Variants in DNHD1 observed in about 807,000 individuals in gnomAD.
The protein encoded by DNHD1 is dynein heavy chain domain-containing protein 1.
A neutral mutation model predicts 458.1 loss-of-function variants in DNHD1; 383 were observed. That is an observed-to-expected ratio of 0.84 (90% CI 0.77 to 0.91). The LOEUF is 0.91. DNHD1 is among the 40% of genes least tolerant of loss of function. The probability of loss-of-function intolerance (pLI) is 0.00; values close to 1 mark genes in which losing one functional copy is unlikely to be tolerated. For synonymous variants in DNHD1, 2,203 were observed against 2,376.9 expected (o/e 0.93, Z 2.13); for missense variants, 5,336 against 5,866.1 (o/e 0.91, Z 2.95).
Position 6,510,542 on chromosome 11 carries a change from G to T in DNHD1, c.1236-731G>T, listed in dbSNP as rs995409939. 4.6e-5 allele frequency among the ~76,000 whole-genome samples: 7 copies of T among 152,320 alleles called. No homozygotes were observed. In the East Asian group the frequency reaches 1.2e-3, roughly 25 times the overall value. On this transcript the variant is annotated intron_variant, in intron 6 of 42. Transcript: ENST00000254579. ...TCATGGTGTAATTAAGAGCATAAGG[G>T]CTTGGGAGACGGGACAAATCTTATT...
chr11:6,539,992 G>T lies in DNHD1; in HGVS notation c.3537G>T (p.Glu1179Asp). 6 of 1,551,600 alleles carry T rather than the reference G, an allele frequency of 3.9e-6. No homozygotes were observed. The highest frequency in any genetic ancestry group is 5.2e-6 in the Non-Finnish European group (6 of 1,146,890). Residue 1179 changes from glutamate (E) to aspartate (D), a missense_variant, in exon 18 of 43, where the codon GAG (glutamate) becomes GAT (aspartate). Glu to Asp is a conservative substitution (Grantham distance 45, BLOSUM62 2). This residue lies in a region of DNHD1 where 3,932 missense variants were observed against 4,365.6 expected (regional missense o/e 0.90). Transcript: ENST00000254579. ...LLNFILHVPYEPPASERSKRQ... is the reference protein window; with the variant it reads ...LLNFILHVPYDPPASERSKRQ... ...ACTTCATCCTGCATGTACCCTACGA[G>T]CCCCCAGCCTCAGAGCGCTCCAAGA...
intron 39 of DNHD1, 105 bp downstream of exon 39, chr11:6,568,971 A>G: frequency 7.5e-7 from 1 of 1,326,478 alleles, no homozygotes; most frequent in Non-Finnish European, 1.0e-6. Flanking sequence ...GAAGCTCCAA[A>G]GAGCAAGGGC....
At chr11:6,521,869 A>G (rs1304614605) in intron 10 of DNHD1, among the ~76,000 whole-genome samples, 1 of 152,020 alleles carries the variant, frequency 6.6e-6, no homozygotes. Flanking sequence ...GGAACATACC[A>G]CCATGCCTGG....
intron 16 of DNHD1, 82 bp from the exon 17 acceptor site, chr11:6,539,137 G>A: frequency 1.0e-6 from 1 of 978,570 alleles, no homozygotes. Context: ...GGGCTGGGCT[G>A]GGCTGGGCTC....
Position 6,509,269 on chromosome 11 carries a change from G to T in DNHD1, c.1232G>T (p.Ser411Ile). Residue 411 changes from serine to isoleucine, a missense_variant, in exon 6 of 43, where the codon AGC (serine) becomes ATC (isoleucine). Physicochemically the swap from Ser to Ile is moderately radical, Grantham distance 142. This residue lies in a region of DNHD1 where 3,932 missense variants were observed against 4,365.6 expected (regional missense o/e 0.90). Coordinates refer to ENST00000254579, the MANE Select transcript of DNHD1 (RefSeq NM_144666.3). ...PHFGAGLLHI[S>I]RLLQELHSVS... ...TTTGGAGCTGGGCTACTCCATATTA[G>T]CAGGTGAGGTATTAAAAACACAACT... 2 of 1,610,886 alleles carry T rather than the reference G, an allele frequency of 1.2e-6. No individual in the cohort carries two copies. The highest frequency in any genetic ancestry group is 1.7e-6 in the Non-Finnish European group (2 of 1,178,934).
Position 6,564,602 on chromosome 11 carries a change from G to C in DNHD1, c.10554G>C (p.Ser3518=). 1 of 1,551,710 alleles carries C rather than the reference G, an allele frequency of 6.4e-7. No individual in the cohort carries two copies. The highest frequency in any genetic ancestry group is 1.2e-5 in the South Asian group (1 of 84,062). Reference sequence around the variant, plus strand: ...TTCTGTCCTTGCTGAGCTCTGAATCGGAGCAGTACCAGTGGGATGGAAACC... The same window carrying C: ...TTCTGTCCTTGCTGAGCTCTGAATCCGAGCAGTACCAGTGGGATGGAAACC... ...FSILSLLSSE[S]EQYQWDGNLK... is the part of the protein sequence containing the mutation. The change falls in exon 32 of 43, where the codon TCG becomes TCC. Residue 3518 remains serine, a synonymous_variant. Coordinates refer to ENST00000254579, the MANE Select transcript of DNHD1 (RefSeq NM_144666.3).
Position 6,563,762 on chromosome 11 carries a change from G to A in DNHD1, c.9922G>A (p.Ala3308Thr). 1 of 1,551,376 alleles carries A rather than the reference G, an allele frequency of 6.4e-7. No homozygotes were observed. The highest frequency in any genetic ancestry group is 8.7e-7 in the Non-Finnish European group (1 of 1,146,888). The change falls in exon 31 of 43, where the codon GCT (alanine) becomes ACT (threonine). Residue 3308 changes from alanine to threonine, a missense_variant. Physicochemically the swap from Ala to Thr is moderately conservative, Grantham distance 58. Coordinates refer to ENST00000254579, the MANE Select transcript of DNHD1 (RefSeq NM_144666.3). ...ELIKLHLILKAPGMDDAALRA... is the reference protein window; with the variant it reads ...ELIKLHLILKTPGMDDAALRA... ...GATAAAGTTACATCTAATTCTGAAG[G>A]CTCCAGGTATGGACGATGCAGCCCT...
intron 7 of DNHD1, among the ~76,000 whole-genome samples, chr11:6,519,352 T>C (rs943305712): frequency 1.3e-5 from 2 of 152,190 alleles, no homozygotes; most frequent in African/African-American, 4.8e-5. Context: ...GGGTTTTCAG[T>C]AGACAGGCCT....
chr11:6,540,130 C>T (rs1853067871), intron 18 of DNHD1, 47 bp downstream of exon 18: 1 of 1,475,792 alleles, frequency 6.8e-7, no homozygotes, highest in Non-Finnish European at 9.3e-7. Flanking sequence ...TGCTGGGGGC[C>T]ATTTTCATCC....
At chr11:6,544,065 C>G in intron 18 of DNHD1, 56 bp from the exon 19 acceptor site, 4 of 1,542,976 alleles carry the variant, frequency 2.6e-6, no homozygotes, top group Non-Finnish European at 3.5e-6. Context: ...CCTCTTCTCT[C>G]CCCCAGCCCC....
Position 6,545,185 on chromosome 11 carries a change from C to A in DNHD1, c.4246C>A (p.Gln1416Lys). 3 of 1,552,010 alleles carry A rather than the reference C, an allele frequency of 1.9e-6. No homozygotes were observed. Among genetic ancestry groups the A allele is most frequent in the Non-Finnish European group, 2.6e-6 (3 of 1,147,062 alleles). Reference sequence around the variant, plus strand: ...TGACTGGGAGTCAAGCCCAAACACACAGACTCAGGTGGAGGCACTTGCAGT... The same window carrying A: ...TGACTGGGAGTCAAGCCCAAACACAAAGACTCAGGTGGAGGCACTTGCAGT... ...TDDWESSPNT[Q>K]TQVEALAVLG... The change falls in exon 21 of 43, where the codon CAG becomes AAG. Residue 1416 changes from glutamine to lysine, a missense_variant. Transcript: ENST00000254579. The surrounding 1 kb of genome is among the most constrained non-coding windows in gnomAD (Gnocchi z 4.9).
At chr11:6,531,452 C>T (rs1182533235) in intron 12 of DNHD1, among the ~76,000 whole-genome samples, 1 of 152,210 alleles carries the variant, frequency 6.6e-6, no homozygotes, top group Non-Finnish European at 1.5e-5. Context: ...CTCCTTTATA[C>T]CATACGGTGT....
intron 4 of DNHD1, 149 bp downstream of exon 4, chr11:6,503,075 C>G (rs1391162903): frequency 2.4e-6 from 2 of 827,270 alleles, no homozygotes; most frequent in Non-Finnish European, 3.6e-6. Flanking sequence ...TCTCTCTTCC[C>G]TTCTCCTCAG....
At chr11:6,520,172 C>T (rs1190037727) in intron 9 of DNHD1, 66 bp from the exon 10 acceptor site, 1 of 1,608,962 alleles carries the variant, frequency 6.2e-7, no homozygotes, top group African/African-American at 1.3e-5. Context: ...ATCAGAAGCT[C>T]ACAACCTGGT....
chr11:6,541,660 T>C lies in DNHD1; in HGVS notation c.3628+1577T>C, dbSNP rs142683332. 3.2e-3 allele frequency among the ~76,000 whole-genome samples: 483 copies of C among 152,282 alleles called. 6 individuals carry two copies. Among genetic ancestry groups the C allele is most frequent in the African/African-American group, 0.011 (458 of 41,560 alleles). On this transcript the variant is annotated intron_variant, in intron 18 of 42. Transcript: ENST00000254579. ...AAAGTCTTGTGGGCCACATTAATAA[T>C]TTACTCAATAACATGAAAACAATAG...
intron 24 of DNHD1, among the ~76,000 whole-genome samples, chr11:6,550,251 G>T (rs909206529): frequency 6.6e-6 from 1 of 152,190 alleles, no homozygotes; most frequent in Admixed American, 6.5e-5. Context: ...TAGCTATGAA[G>T]TGTCAGAACC....
At position 6,539,333 on chromosome 11, in the gene DNHD1, G is replaced by A; in HGVS notation, c.3420+20G>A. The A allele has an allele frequency of 1.3e-6, 2 of 1,527,690 alleles. No homozygotes were observed. The highest frequency in any genetic ancestry group is 1.2e-5 in the South Asian group (1 of 83,600). The allele number at this position is 1,527,690 out of a possible 1,614,324, so 94.6% of individuals were successfully genotyped here. ...AACCAGGTGGGGCCCTCAGTACAGG[G>A]GCGAGGGAGGTGGTCCAAAGCCAGG... On this transcript the variant is annotated intron_variant, in intron 17 of 42. Coordinates refer to ENST00000254579, the MANE Select transcript of DNHD1 (RefSeq NM_144666.3).
Position 6,564,445 on chromosome 11 carries a change from GGT to G in DNHD1, c.10398_10399del (p.Trp3466CysfsTer5). 6.4e-7 allele frequency: 1 copy of G among 1,551,712 alleles called. No homozygotes were observed. Among genetic ancestry groups the G allele is most frequent in the Non-Finnish European group, 8.7e-7 (1 of 1,147,000 alleles). On this transcript the variant is annotated frameshift_variant, in exon 32 of 43. Coordinates refer to ENST00000254579, the MANE Select transcript of DNHD1 (RefSeq NM_144666.3). LOFTEE classifies it high-confidence loss of function. ...CGGCGCCAAGAGCTACTGGACGAGT[GGT>G]TAGCTCTGTGTAGGGGCTTTCAGGA...
chr11:6,563,599 G>A (rs745313546), intron 30 of DNHD1, 35 bp downstream of exon 30: 33 of 1,549,100 alleles, frequency 2.1e-5, no homozygotes, highest in Non-Finnish European at 2.9e-5. Flanking sequence ...GGAGGATAGG[G>A]GAGGCATAAA....
Sources: gnomAD v4.1 joint callset for allele counts (sites outside exome capture counted in the v4.1 genomes callset) on GRCh38, gnomAD v4.1.1 for gene constraint, gnomAD v4.1.1 regional missense constraint, Gnocchi (gnomAD v3.1) non-coding constraint, MANE v1.5 for transcripts, NCBI Gene and HGNC (gene_info 2026-07-23, HGNC 2026-07-21) for gene names.